The following RAPGEF4 variants were observed in gnomAD, a reference collection of about 807,000 sequenced individuals.
The protein encoded by RAPGEF4 is RAP guanine-nucleotide-exchange factor (GEF) 4.
A neutral mutation model predicts 147.9 loss-of-function variants in RAPGEF4; 66 were observed. That is an observed-to-expected ratio of 0.45 (90% CI 0.37 to 0.55). The LOEUF (loss-of-function observed/expected upper bound fraction) is 0.55, where lower values mean the gene tolerates loss of function less well. Among genes scored for constraint, RAPGEF4 ranks in the 20% least tolerant of loss-of-function variants. The probability of loss-of-function intolerance (pLI) is 0.00; values close to 1 mark genes in which losing one functional copy is unlikely to be tolerated. For missense variants in RAPGEF4, 1,071 were observed against 1,257.3 expected (o/e 0.85, Z 2.24); for synonymous variants, 419 against 442.7 (o/e 0.95, Z 0.67).
chr2:172,861,613 T>A (rs140687651), intron 4 of RAPGEF4, among the ~76,000 whole-genome samples: 110 of 152,360 alleles, frequency 7.2e-4, no homozygotes, highest in African/African-American at 2.5e-3. Flanking sequence ...CAGGGTTCTA[T>A]ACACTATGTC....
chr2:172,832,806 G>A (rs1474493171), intron 4 of RAPGEF4, among the ~76,000 whole-genome samples: 2 of 152,198 alleles, frequency 1.3e-5, no homozygotes, highest in Non-Finnish European at 2.9e-5. Flanking sequence ...AGTATAGGTT[G>A]CCCTATCTTT....
At chr2:172,878,269 T>C (rs1696191713) in intron 4 of RAPGEF4, among the ~76,000 whole-genome samples, 1 of 152,186 alleles carries the variant, frequency 6.6e-6, no homozygotes, top group South Asian at 2.1e-4. Flanking sequence ...CCTCCCCTAA[T>C]CATTCTCTTC....
intron 2 of RAPGEF4, among the ~76,000 whole-genome samples, chr2:172,796,319 C>T (rs530015125): frequency 6.6e-6 from 1 of 152,242 alleles, no homozygotes; most frequent in East Asian, 1.9e-4. Context: ...GGCACAGTGG[C>T]TCACGCTTGT....
chr2:172,821,859 C>T, intron 4 of RAPGEF4: 1 of 1,557,498 alleles, frequency 6.4e-7, no homozygotes, highest in Non-Finnish European at 8.7e-7. Flanking sequence ...CAGTAGTAGA[C>T]ACGAACAGGG....
At chr2:172,857,329 G>A (rs1294129564) in intron 4 of RAPGEF4, among the ~76,000 whole-genome samples, 1 of 152,144 alleles carries the variant, frequency 6.6e-6, no homozygotes, top group African/African-American at 2.4e-5. Flanking sequence ...GAATTTTCAG[G>A]ACAATGGAAG....
chr2:173,028,253 G>T (rs554385819), intron 25 of RAPGEF4, among the ~76,000 whole-genome samples: 1 of 152,326 alleles, frequency 6.6e-6, no homozygotes, highest in South Asian at 2.1e-4. Flanking sequence ...TGGTAAAATG[G>T]TGCCTGTGAA....
chr2:172,826,174 C>T (rs1034667208), intron 4 of RAPGEF4, among the ~76,000 whole-genome samples: 3 of 152,160 alleles, frequency 2.0e-5, no homozygotes, highest in Admixed American at 6.5e-5. Context: ...CATGCCCTCC[C>T]ACAAACATGC....
At chr2:172,981,360 A>G (rs1691664455) in intron 10 of RAPGEF4, among the ~76,000 whole-genome samples, 1 of 152,216 alleles carries the variant, frequency 6.6e-6, no homozygotes. Flanking sequence ...TGACTTTTAA[A>G]TCCCCAAGAG....
At chr2:172,846,685 A>G (rs1034728555) in intron 4 of RAPGEF4, among the ~76,000 whole-genome samples, 1 of 152,216 alleles carries the variant, frequency 6.6e-6, no homozygotes. Flanking sequence ...GACACTGGGA[A>G]TATGGTCCTG....
intron 22 of RAPGEF4, among the ~76,000 whole-genome samples, chr2:173,019,930 A>G (rs893188614): frequency 2.0e-5 from 3 of 151,432 alleles, no homozygotes; most frequent in Non-Finnish European, 4.4e-5. Flanking sequence ...TCTGTAATCT[A>G]TTTCTTTTCT....
chr2:172,862,760 T>C (rs982638064), intron 4 of RAPGEF4, among the ~76,000 whole-genome samples: 1 of 152,236 alleles, frequency 6.6e-6, no homozygotes, highest in African/African-American at 2.4e-5. Context: ...ACAAAATACC[T>C]AATCTCTTGG....
chr2:172,766,284 G>T (rs1696830809), intron 1 of RAPGEF4, among the ~76,000 whole-genome samples: 1 of 152,068 alleles, frequency 6.6e-6, no homozygotes, highest in Non-Finnish European at 1.5e-5. Flanking sequence ...GGGCACGGTG[G>T]CTCACACCTG....
intron 6 of RAPGEF4, among the ~76,000 whole-genome samples, chr2:172,948,978 T>C (rs891248240): frequency 2.0e-5 from 3 of 152,168 alleles, no homozygotes; most frequent in Non-Finnish European, 4.4e-5. Context: ...AAGAAATTAA[T>C]ATATCTTCTG....
At chr2:172,931,239 G>A (rs17758391) in intron 6 of RAPGEF4, among the ~76,000 whole-genome samples, 31,332 of 138,810 alleles carry the variant, frequency 0.23, 4,561 homozygotes, top group Middle Eastern at 0.34. Context: ...ACTCGACAAC[G>A]ATCTCAAATA....
At chr2:172,935,924 C>T (rs1686511990) in intron 6 of RAPGEF4, among the ~76,000 whole-genome samples, 1 of 152,186 alleles carries the variant, frequency 6.6e-6, no homozygotes, top group Non-Finnish European at 1.5e-5. Context: ...GCCAAATTTA[C>T]ATTCAGATAA....
intron 6 of RAPGEF4, 46 bp from the exon 7 acceptor site, chr2:172,960,714 G>T (rs370292352): frequency 2.1e-6 from 3 of 1,437,516 alleles, no homozygotes; most frequent in Non-Finnish European, 2.9e-6. Flanking sequence ...TTTCTTCAGT[G>T]AACTTTTTGT....
intron 17 of RAPGEF4, among the ~76,000 whole-genome samples, chr2:173,002,901 C>T (rs58232774): frequency 0.19 from 28,837 of 152,038 alleles, 3,046 homozygotes; most frequent in Middle Eastern, 0.3. Flanking sequence ...CAATTTTTCT[C>T]GAGTAAAATG....
intron 4 of RAPGEF4, among the ~76,000 whole-genome samples, chr2:172,850,338 C>A (rs984670096): frequency 6.6e-6 from 1 of 152,076 alleles, no homozygotes; most frequent in African/African-American, 2.4e-5. Context: ...AAATATCAGG[C>A]CAGGCGTGGT....
chr2:172,814,132 C>A, intron 3 of RAPGEF4, 147 bp from the exon 4 acceptor site: 1 of 793,108 alleles, frequency 1.3e-6, no homozygotes, highest in Non-Finnish European at 2.0e-6. Context: ...GGTAATTACT[C>A]CGGTATATAT....
Sources: gnomAD v4.1 joint callset for allele counts (sites outside exome capture counted in the v4.1 genomes callset) on GRCh38, gnomAD v4.1.1 for gene constraint, MANE v1.5 for transcripts, NCBI Gene and HGNC (gene_info 2026-07-23, HGNC 2026-07-21) for gene names.